The following YJU2B variants were observed in gnomAD, a reference collection of about 807,000 sequenced individuals.
YJU2B encodes the protein YJU2 splicing factor homolog B.
A neutral mutation model predicts 38.0 loss-of-function variants in YJU2B; 18 were observed. The ratio of observed to expected loss-of-function variants is 0.47; its 90% CI spans 0.33 to 0.70. YJU2B has a LOEUF of 0.70. Ranked by LOEUF, YJU2B falls within the 30% of genes least tolerant of loss-of-function variation. The pLI is 0.02. For missense variants in YJU2B, 538 were observed against 556.3 expected (o/e 0.97, Z 0.33); for synonymous variants, 246 against 225.4 (o/e 1.09, Z -0.82).
intron 2 of YJU2B, among the ~76,000 whole-genome samples, chr19:13,739,176 C>T (rs576548813): frequency 2.3e-4 from 35 of 152,208 alleles, no homozygotes; most frequent in African/African-American, 7.9e-4. Context: ...GAGACAGGGT[C>T]TCTCTGTCAC....
chr19:13,749,386 C>G (rs1326659780), intron 1 of YJU2B, among the ~76,000 whole-genome samples: 1 of 152,156 alleles, frequency 6.6e-6, no homozygotes, highest in Non-Finnish European at 1.5e-5. Flanking sequence ...ATGTGAAATT[C>G]AAATTTCTGT....
Position 13,759,112 on chromosome 19 carries a change from A to G in YJU2B, c.413A>G (p.Lys138Arg), listed in dbSNP as rs747478690. The change falls in exon 8 of 10, where the codon AAG (lysine) becomes AGG (arginine). Residue 138 changes from lysine (K) to arginine (R), a missense_variant. Lys to Arg is a conservative substitution (Grantham distance 26, BLOSUM62 2). Transcript: ENST00000221554. ...CTGATCGTTGCAGAGCATGAGAAGAAGCAGAAGCTGGAGACGGACGCCATG... is the reference window on the plus strand; with the variant it reads ...CTGATCGTTGCAGAGCATGAGAAGAGGCAGAAGCTGGAGACGGACGCCATG... ...EQVLTTEHEK[K>R]QKLETDAMFR... 2 of 1,613,680 alleles carry G rather than the reference A, an allele frequency of 1.2e-6. No individual in the cohort carries two copies. The highest frequency in any genetic ancestry group is 2.7e-5 in the African/African-American group (2 of 74,942).
chr19:13,741,804 C>T (rs1032024114), intron 2 of YJU2B, among the ~76,000 whole-genome samples: 1 of 152,078 alleles, frequency 6.6e-6, no homozygotes, highest in Admixed American at 6.6e-5. Context: ...GAACCAAGGA[C>T]TTCCTAACTT....
chr19:13,751,472 G>T, intron 1 of YJU2B, 136 bp from the exon 2 acceptor site: 1 of 306,084 alleles, frequency 3.3e-6, no homozygotes, highest in African/African-American at 2.1e-5. Flanking sequence ...GGGCAGAGTC[G>T]GGAGAGAGAA....
chr19:13,735,922 G>A (rs1043371208), intron 2 of YJU2B, among the ~76,000 whole-genome samples: 3 of 151,866 alleles, frequency 2.0e-5, no homozygotes, highest in South Asian at 2.1e-4. Context: ...CGTGGTGGGG[G>A]GCACCTGTAG....
chr19:13,755,681 C>T (rs567573315), intron 3 of YJU2B, among the ~76,000 whole-genome samples: 12 of 152,070 alleles, frequency 7.9e-5, no homozygotes, highest in South Asian at 6.2e-4. Flanking sequence ...CAGGGCTGGG[C>T]GCAGTAGCTC....
chr19:13,762,727 G>T lies in YJU2B; in HGVS notation c.850G>T (p.Ala284Ser). 4.4e-6 allele frequency: 7 copies of T among 1,608,330 alleles called. No individual in the cohort carries two copies. The highest frequency in any genetic ancestry group is 5.9e-6 in the Non-Finnish European group (7 of 1,179,482). The change falls in exon 10 of 10, where the codon GCC becomes TCC. Residue 284 changes from alanine (A) to serine (S), a missense_variant. Transcript: ENST00000221554. ...GGCACAGAGCCGCAGAACCGCGCTTGCCACCTCCCCCATCACCGTCGGGGA... is the reference window on the plus strand; with the variant it reads ...GGCACAGAGCCGCAGAACCGCGCTTTCCACCTCCCCCATCACCGTCGGGGA... ...KLAQSRRTAL[A>S]TSPITVGDLG...
chr19:13,745,706 T>TAGATATAG (rs1568280974), upstream of YJU2B, among the ~76,000 whole-genome samples: 502 of 47,742 alleles, frequency 0.011, 11 homozygotes, highest in African/African-American at 0.031. Flanking sequence ...GATATATAGA[T>TAGATATAG]ATCTATAGAT....
At chr19:13,739,160 T>A (rs1202893616) in intron 2 of YJU2B, among the ~76,000 whole-genome samples, 2 of 152,122 alleles carry the variant, frequency 1.3e-5, no homozygotes. Context: ...TCTTTAACCT[T>A]TTTAAGAGAC....
At chr19:13,740,693 C>A (rs951528231) in intron 2 of YJU2B, among the ~76,000 whole-genome samples, 1 of 152,022 alleles carries the variant, frequency 6.6e-6, no homozygotes, top group African/African-American at 2.4e-5. Context: ...TGCGCCACCA[C>A]GCCCGGCTAA....
intron 2 of YJU2B, among the ~76,000 whole-genome samples, chr19:13,753,301 C>T (rs570551328): frequency 1.8e-4 from 28 of 152,214 alleles, no homozygotes; most frequent in African/African-American, 6.3e-4. Flanking sequence ...GGGCTGGGCG[C>T]GGTGGCTCAC....
At chr19:13,737,600 C>T (rs1408125480) in intron 2 of YJU2B, among the ~76,000 whole-genome samples, 1 of 149,560 alleles carries the variant, frequency 6.7e-6, no homozygotes, top group Non-Finnish European at 1.5e-5. Flanking sequence ...GCCTGACCAA[C>T]ATGGCAAAAT....
intron 6 of YJU2B, among the ~76,000 whole-genome samples, chr19:13,758,337 C>T (rs187221085): frequency 5.1e-4 from 78 of 152,324 alleles, no homozygotes; most frequent in African/African-American, 1.8e-3. Context: ...TTTCCATGAG[C>T]AAGTTGGCTT....
chr19:13,747,825 C>G (rs1484621321), upstream of YJU2B: 4 of 152,298 alleles, frequency 2.6e-5, no homozygotes, highest in Admixed American at 2.6e-4. Flanking sequence ...TTCAGCCAAT[C>G]AGCGTGGAGC....
chr19:13,735,227 A>G (rs775905541), intron 2 of YJU2B, among the ~76,000 whole-genome samples: 1 of 152,136 alleles, frequency 6.6e-6, no homozygotes, highest in Non-Finnish European at 1.5e-5. Context: ...AGGCAGGAGA[A>G]TCGCTTGAAC....
At chr19:13,755,423 T>G (rs925408591) in intron 3 of YJU2B, among the ~76,000 whole-genome samples, 6 of 145,944 alleles carry the variant, frequency 4.1e-5, no homozygotes, top group African/African-American at 1.6e-4. Context: ...ATCACGCCAC[T>G]GCACTCCAGC....
chr19:13,743,757 G>A (rs909793831), upstream of YJU2B, among the ~76,000 whole-genome samples: 3 of 150,546 alleles, frequency 2.0e-5, no homozygotes, highest in African/African-American at 7.3e-5. Flanking sequence ...GCCGGATGCG[G>A]TGGCACATGC....
intron 1 of YJU2B, among the ~76,000 whole-genome samples, chr19:13,750,151 AC>A (rs1973400349): frequency 6.6e-6 from 1 of 152,146 alleles, no homozygotes; most frequent in Non-Finnish European, 1.5e-5. Flanking sequence ...GGAGACATAA[AC>A]CGACACAGGG....
At chr19:13,742,294 C>CTTTTTT (rs552865402) in intron 2 of YJU2B, among the ~76,000 whole-genome samples, 10 of 111,976 alleles carry the variant, frequency 8.9e-5, no homozygotes, top group African/African-American at 2.9e-4. Context: ...TTGAGTCCCA[C>CTTTTTT]TTTTTTTTTT....
Sources: allele counts gnomAD v4.1 joint callset (sites outside exome capture counted in the v4.1 genomes callset), GRCh38; gene constraint gnomAD v4.1.1; transcripts MANE v1.5; gene names NCBI Gene and HGNC (gene_info 2026-07-23, HGNC 2026-07-21).